Variants in VGF observed in about 807,000 individuals in gnomAD.
VGF encodes neurosecretory protein VGF.
VGF carries 13 observed loss-of-function variants against 41.1 expected under a neutral mutation model. The observed-to-expected ratio is 0.32, with a 90% CI of 0.21 to 0.50. The LOEUF (loss-of-function observed/expected upper bound fraction) is 0.50. Ranked by LOEUF, VGF falls within the 20% of genes least tolerant of loss-of-function variation. VGF has a pLI of 0.98. For synonymous variants in VGF, 473 were observed against 418.3 expected (o/e 1.13, Z -1.60); for missense variants, 920 against 882.1 (o/e 1.04, Z -0.54).
rs557696335 is a variant in VGF at position 101,163,368 on chromosome 7, C to A, written c.1476G>T (p.Pro492=). 5.4e-5 allele frequency: 83 copies of A among 1,530,222 alleles called. No individual in the cohort carries two copies. Among genetic ancestry groups the A allele is most frequent in the Non-Finnish European group, 7.0e-5 (80 of 1,143,310 alleles). The allele number at this position is 1,530,222 out of a possible 1,614,324, so 94.8% of individuals were successfully genotyped here. A position where few individuals can be genotyped will look rare whatever the true frequency, so the allele number is the denominator to read the frequency against. The change falls in exon 2 of 2, where the codon CCG becomes CCT. Residue 492 remains proline, a synonymous_variant. Transcript: ENST00000249330. The surrounding 1 kb of genome is among the most constrained non-coding windows in gnomAD (Gnocchi z 5.0). The part of the protein sequence containing the change: ...RKKNAPPEPV[P]PPRAAPAPTH... ...TGGGGGCGGGGGCGGCACGGGGGGG[C>A]GGCACGGGCTCGGGAGGGGCGTTCT...
In VGF at chr7:101,163,524, C is replaced by T; in HGVS notation, c.1320G>A (p.Glu440=). The change falls in exon 2 of 2, where the codon GAG becomes GAA. Residue 440 remains glutamate, a synonymous_variant. Transcript: ENST00000249330. The surrounding 1 kb of genome is among the most constrained non-coding windows in gnomAD (Gnocchi z 5.0). ...KEAEGTEEGG[E]EEDDEEMDPQ... is the part of the protein sequence containing the mutation. ...GATCCATCTCCTCGTCGTCCTCCTC[C>T]TCCCCGCCCTCCTCTGTCCCCTCGG... The T allele has an allele frequency of 2.5e-6, 4 of 1,608,562 alleles. No homozygotes were observed. The highest frequency in any genetic ancestry group is 3.4e-6 in the Non-Finnish European group (4 of 1,177,692).
chr7:101,168,019 G>GTTT (rs1554368356), upstream of VGF, among the ~76,000 whole-genome samples: 3,098 of 121,356 alleles, frequency 0.026, 117 homozygotes, highest in African/African-American at 0.09. Flanking sequence ...GTTTTTTTTT[G>GTTT]TTTTTTTTTT....
In VGF at chr7:101,162,949, C is replaced by CAA; in HGVS notation, c.*46_*47insTT. 1 of 828,368 alleles carries CAA rather than the reference C, an allele frequency of 1.2e-6. No individual in the cohort carries two copies. Among genetic ancestry groups the CAA allele is most frequent in the African/African-American group, 1.8e-5 (1 of 54,858 alleles). 51.3% of individuals were successfully genotyped at this position (828,368 alleles called of 1,614,324 possible). The stretch of plus-strand genomic sequence containing the variant: ...CGGGCAACACGGAGGGGGGCGCCGG[C>CAA]GCGCGCGCGCGGCGGGGGCGCGCGG... On this transcript the variant is annotated 3_prime_UTR_variant, in exon 2 of 2. Transcript: ENST00000249330. The surrounding 1 kb of genome is among the most constrained non-coding windows in gnomAD (Gnocchi z 4.2).
In VGF at chr7:101,163,890, C is replaced by T; in HGVS notation, c.954G>A (p.Ala318=). 1 of 1,481,162 alleles carries T rather than the reference C, an allele frequency of 6.8e-7. No homozygotes were observed. Among genetic ancestry groups the T allele is most frequent in the Non-Finnish European group, 8.9e-7 (1 of 1,125,902 alleles). The allele number at this position is 1,481,162 out of a possible 1,614,324, so 91.8% of individuals were successfully genotyped here. A position where few individuals can be genotyped will look rare whatever the true frequency, so the allele number is the denominator to read the frequency against. Residue 318 remains alanine (A), a synonymous_variant, in exon 2 of 2, where the codon GCG becomes GCA. Transcript: ENST00000249330. This position sits in a 1 kb window ranked among gnomAD's most constrained non-coding sequence, Gnocchi z 5.0. ...GGTCGGCCAGCCGCTCTTCCTGCGC[C>T]GCGGCCTGCCGCGTGGCCTCCGCCT... ...RRQAEATRQA[A]AQEERLADLA...
At chr7:101,166,218 G>A (rs117521563), upstream of VGF, among the ~76,000 whole-genome samples, 1,943 of 152,366 alleles carry the variant, frequency 0.013, 10 homozygotes, top group Middle Eastern at 0.024. Flanking sequence ...GCAGATGGGT[G>A]GATCTTGCGG....
rs749070087 is a variant in VGF, at chr7:101,164,365, G to T, written c.479C>A (p.Ala160Glu). Reference sequence around the variant, plus strand: ...ATCTCGCAGTTCCTGGAGCAGGGACGCTAGCGCCTCGAGCTCCTCGGAGGG... The same window carrying T: ...ATCTCGCAGTTCCTGGAGCAGGGACTCTAGCGCCTCGAGCTCCTCGGAGGG... Reference protein sequence around the residue: ...SDPSEELEALASLLQELRDFS... With the variant: ...SDPSEELEALESLLQELRDFS... Residue 160 changes from alanine to glutamate, a missense_variant, in exon 2 of 2, where the codon GCG becomes GAG. Physicochemically the swap from Ala to Glu is moderately radical, Grantham distance 107 (BLOSUM62 -1). This residue lies in a region of VGF where 654 missense variants were observed against 638.4 expected (regional missense o/e 1.02). Transcript: ENST00000249330. The T allele has an allele frequency of 3.7e-6, 6 of 1,611,712 alleles. No homozygotes were observed. In the African/African-American group the frequency reaches 5.3e-5, roughly 14 times the overall value.
At chr7:101,169,097 G>A (rs969833129), upstream of VGF, among the ~76,000 whole-genome samples, 13 of 152,192 alleles carry the variant, frequency 8.5e-5, no homozygotes, top group African/African-American at 3.1e-4. Context: ...CTGGAATGAT[G>A]AGTGATGGGA....
chr7:101,162,758 G>T lies in VGF; in HGVS notation c.*238C>A. On this transcript the variant is annotated 3_prime_UTR_variant, in exon 2 of 2. Coordinates refer to ENST00000249330, the MANE Select transcript of VGF (RefSeq NM_003378.4). The surrounding 1 kb of genome is among the most constrained non-coding windows in gnomAD (Gnocchi z 4.2). ...GGGGCCCCGCGTGGCAAGGGAACTC[G>T]CACAAACCACCCGCCCTCCTGGGCT... The T allele has an allele frequency of 1.6e-6, 1 of 624,670 alleles. No individual in the cohort carries two copies. The highest frequency in any genetic ancestry group is 3.0e-6 in the Non-Finnish European group (1 of 335,948). The allele number at this position is 624,670 out of a possible 1,614,324, so 38.7% of individuals were successfully genotyped here. A position where few individuals can be genotyped will look rare whatever the true frequency, so the allele number is the denominator to read the frequency against.
intron 1 of VGF, chr7:101,165,105 T>C: frequency 8.3e-7 from 1 of 1,206,006 alleles, no homozygotes; most frequent in Non-Finnish European, 1.0e-6. Context: ...GCCCCTTCCC[T>C]GAGCCATCTC....
rs747559487 is a variant in VGF at position 101,164,741 on chromosome 7, G to A, written c.103C>T (p.Leu35Phe). Residue 35 changes from leucine (L) to phenylalanine (F), a missense_variant, in exon 2 of 2, where the codon CTC becomes TTC. Coordinates refer to ENST00000249330, the MANE Select transcript of VGF (RefSeq NM_003378.4). ...PGRPEAQPPP[L>F]SSEHKEPVAG... ...ACCGGCTCTTTATGCTCAGAGCTGAGAGGAGGAGGCTGCGCCTCAGGGCGA... is the reference window on the plus strand; with the variant it reads ...ACCGGCTCTTTATGCTCAGAGCTGAAAGGAGGAGGCTGCGCCTCAGGGCGA... 8 of 1,611,466 alleles carry A rather than the reference G, an allele frequency of 5.0e-6. No individual in the cohort carries two copies. In the Admixed American group the frequency reaches 1.2e-4, roughly 24 times the overall value.
upstream of VGF, among the ~76,000 whole-genome samples, chr7:101,165,832 G>A (rs1797209997): frequency 6.6e-6 from 1 of 152,244 alleles, no homozygotes; most frequent in African/African-American, 2.4e-5. Flanking sequence ...CGGGCAGGGC[G>A]GGGGGCTATG....
chr7:101,163,967 C>A lies in VGF; in HGVS notation c.877G>T (p.Gly293Cys). The change falls in exon 2 of 2, where the codon GGC (glycine) becomes TGC (cysteine). Residue 293 changes from glycine to cysteine, a missense_variant. Physicochemically the swap from Gly to Cys is radical, Grantham distance 159. Coordinates refer to ENST00000249330, the MANE Select transcript of VGF (RefSeq NM_003378.4). The surrounding 1 kb of genome is among the most constrained non-coding windows in gnomAD (Gnocchi z 5.0). ...AGCCCTTGCTGGAGAAGGCGCTCGC[C>A]CGCCTCGGAGCCGCCCAGGAGTGCG... Reference protein sequence around the residue: ...ESALLGGSEAGERLLQQGLAQ... With the variant: ...ESALLGGSEACERLLQQGLAQ... 6.8e-7 allele frequency: 1 copy of A among 1,462,120 alleles called. No individual in the cohort carries two copies. Among genetic ancestry groups the A allele is most frequent in the South Asian group, 1.4e-5 (1 of 71,068 alleles). The allele number at this position is 1,462,120 out of a possible 1,614,324, so 90.6% of individuals were successfully genotyped here.
upstream of VGF, among the ~76,000 whole-genome samples, chr7:101,167,112 CCTT>C (rs778494240): frequency 6.6e-6 from 1 of 152,092 alleles, no homozygotes; most frequent in Non-Finnish European, 1.5e-5. The surrounding 1 kb of genome is among the most constrained non-coding windows in gnomAD (Gnocchi z 4.2). Context: ...CACTGACCCT[CCTT>C]CTAACCTCCC....
chr7:101,162,970 C>T lies in VGF; in HGVS notation c.*26G>A. 4.1e-6 allele frequency: 5 copies of T among 1,214,802 alleles called. No homozygotes were observed. Among genetic ancestry groups the T allele is most frequent in the Non-Finnish European group, 3.2e-6 (3 of 948,830 alleles). 75.3% of individuals were successfully genotyped at this position (1,214,802 alleles called of 1,614,324 possible). ...CCGGCGCGCGCGCGCGGCGGGGGCGCGCGGGGGCGGGACCGGGAAGGGCAG... is the reference window on the plus strand; with the variant it reads ...CCGGCGCGCGCGCGCGGCGGGGGCGTGCGGGGGCGGGACCGGGAAGGGCAG... On this transcript the variant is annotated 3_prime_UTR_variant, in exon 2 of 2. Transcript: ENST00000249330. This position sits in a 1 kb window ranked among gnomAD's most constrained non-coding sequence, Gnocchi z 4.2.
Position 101,163,682 on chromosome 7 carries a change from C to G in VGF, c.1162G>C (p.Ala388Pro). ...TCCGCCTCCTCCGCCTCTGCCTCCG[C>G]CTCGGCCGCCTCCTCATCCTCTTCC... ...VGEEDEEAAE[A>P]EAEAEEAERA... The change falls in exon 2 of 2, where the codon GCG (alanine) becomes CCG (proline). Residue 388 changes from alanine to proline, a missense_variant. Ala to Pro is a conservative substitution (Grantham distance 27). This residue lies in a region of VGF where 654 missense variants were observed against 638.4 expected (regional missense o/e 1.02). Coordinates refer to ENST00000249330, the MANE Select transcript of VGF (RefSeq NM_003378.4). The surrounding 1 kb of genome is among the most constrained non-coding windows in gnomAD (Gnocchi z 5.0). 1.3e-6 allele frequency: 2 copies of G among 1,537,564 alleles called. No homozygotes were observed. Among genetic ancestry groups the G allele is most frequent in the Non-Finnish European group, 1.7e-6 (2 of 1,147,030 alleles).
At position 101,164,178 on chromosome 7, in the gene VGF, G is replaced by A. The variant is rs1797173101; in HGVS notation, c.666C>T (p.Pro222=). 1 of 1,514,636 alleles carries A rather than the reference G, an allele frequency of 6.6e-7. No homozygotes were observed. The highest frequency in any genetic ancestry group is 8.8e-7 in the Non-Finnish European group (1 of 1,138,332). 93.8% of individuals were successfully genotyped at this position (1,514,636 alleles called of 1,614,324 possible). A position where few individuals can be genotyped will look rare whatever the true frequency, so the allele number is the denominator to read the frequency against. Residue 222 remains proline, a synonymous_variant, in exon 2 of 2, where the codon CCC becomes CCT. Transcript: ENST00000249330. Reference sequence around the variant, plus strand: ...ATTGAGAGGGGGCCGGGGGCGGCAGGGGCGCGCGCTCCGGGACACGCGCCT... The same window carrying A: ...ATTGAGAGGGGGCCGGGGGCGGCAGAGGCGCGCGCTCCGGGACACGCGCCT... ...EFQARVPERA[P]LPPPAPSQFQ...
At position 101,163,218 on chromosome 7, in the gene VGF, C is replaced by T. The variant is rs768802897; in HGVS notation, c.1626G>A (p.Pro542=). The change falls in exon 2 of 2, where the codon CCG becomes CCA. Residue 542 remains proline (P), a synonymous_variant. Transcript: ENST00000249330. This position sits in a 1 kb window ranked among gnomAD's most constrained non-coding sequence, Gnocchi z 5.0. ...REEDEVYPPG[P]YHPFPNYIRP... ...GGATGTAGTTGGGGAAAGGGTGGTACGGCCCTGGCGGGTACACCTCGTCCT... is the reference window on the plus strand; with the variant it reads ...GGATGTAGTTGGGGAAAGGGTGGTATGGCCCTGGCGGGTACACCTCGTCCT... The T allele has an allele frequency of 9.1e-6, 14 of 1,532,144 alleles. No individual in the cohort carries two copies. The highest frequency in any genetic ancestry group is 1.1e-5 in the Non-Finnish European group (13 of 1,144,276). 94.9% of individuals were successfully genotyped at this position (1,532,144 alleles called of 1,614,324 possible).
chr7:101,166,515 T>TCG (rs139512138), upstream of VGF, among the ~76,000 whole-genome samples: 1 of 132,220 alleles, frequency 7.6e-6, no homozygotes, highest in African/African-American at 2.8e-5. Flanking sequence ...GTTGCGCAGG[T>TCG]GGGGGGGGGG....
chr7:101,162,701 C>T lies in VGF; in HGVS notation c.*295G>A, dbSNP rs1584208931. The stretch of plus-strand genomic sequence containing the variant: ...TGGAACTGCTTTTTCCGGTTTCCGA[C>T]GGGGACGTCCCCAGAGGGACTTGAT... On this transcript the variant is annotated 3_prime_UTR_variant, in exon 2 of 2. Coordinates refer to ENST00000249330, the MANE Select transcript of VGF (RefSeq NM_003378.4). This position sits in a 1 kb window ranked among gnomAD's most constrained non-coding sequence, Gnocchi z 4.2. 3.8e-6 allele frequency: 2 copies of T among 530,924 alleles called. No homozygotes were observed. The highest frequency in any genetic ancestry group is 3.2e-5 in the South Asian group (2 of 62,310). 32.9% of individuals were successfully genotyped at this position (530,924 alleles called of 1,614,324 possible).
Sources: allele counts gnomAD v4.1 joint callset (sites outside exome capture counted in the v4.1 genomes callset), GRCh38; gene constraint gnomAD v4.1.1; regional missense constraint gnomAD v4.1.1; non-coding constraint Gnocchi (gnomAD v3.1); transcripts MANE v1.5; gene names NCBI Gene and HGNC (gene_info 2026-07-23, HGNC 2026-07-21).